PLCE1: variants seen among roughly 807,000 people sequenced by gnomAD.
The protein encoded by PLCE1 is 1-phosphatidylinositol 4,5-bisphosphate phosphodiesterase epsilon-1.
In PLCE1, 119 loss-of-function variants were observed where a neutral mutation model predicts 242.8. The observed-to-expected ratio is 0.49, with a 90% CI of 0.42 to 0.57. The LOEUF is 0.57. Ranked by LOEUF, PLCE1 falls within the 20% of genes least tolerant of loss-of-function variation. PLCE1 has a pLI of 0.00. For synonymous variants in PLCE1, 945 were observed against 1,017.4 expected (o/e 0.93, Z 1.35); for missense variants, 2,441 against 2,788.8 (o/e 0.88, Z 2.81).
chr10:94,179,530 T>TTTTTTTTTTTTTTTTTGA (rs10636243), intron 4 of PLCE1, among the ~76,000 whole-genome samples: 1,675 of 118,616 alleles, frequency 0.014, 48 homozygotes, highest in Middle Eastern at 0.036. Flanking sequence ...TTTTTTTTTT[T>TTTTTTTTTTTTTTTTTGA]GACAGGGTCT....
At chr10:94,264,282 C>G (rs2051422702) in intron 14 of PLCE1, among the ~76,000 whole-genome samples, 1 of 151,874 alleles carries the variant, frequency 6.6e-6, no homozygotes, top group African/African-American at 2.4e-5. Context: ...CCACAGGGAG[C>G]CACAAGGTCA....
chr10:94,326,459 A>C (rs2054018776), intron 32 of PLCE1, among the ~76,000 whole-genome samples: 1 of 152,232 alleles, frequency 6.6e-6, no homozygotes, highest in Non-Finnish European at 1.5e-5. Context: ...CATATCCAGA[A>C]GTTAGTATCA....
chr10:94,031,301 C>A lies in PLCE1; in HGVS notation c.255C>A (p.Asn85Lys). 6.2e-7 allele frequency: 1 copy of A among 1,613,772 alleles called. No individual in the cohort carries two copies. Among genetic ancestry groups the A allele is most frequent in the Non-Finnish European group, 8.5e-7 (1 of 1,179,856 alleles). Residue 85 changes from asparagine to lysine, a missense_variant, in exon 2 of 33, where the codon AAC (asparagine) becomes AAA (lysine). By Grantham distance (94) the Asn-to-Lys change is moderately conservative. This residue lies in a region of PLCE1 where 393 missense variants were observed against 378.5 expected (regional missense o/e 1.04). Transcript: ENST00000371380. Reference sequence around the variant, plus strand: ...GGGAGAAAATAGTGAGTGATGAGAACAGTAATGAAAAATGTTGGGAGAAAA... The same window carrying A: ...GGGAGAAAATAGTGAGTGATGAGAAAAGTAATGAAAAATGTTGGGAGAAAA... ...IAREKIVSDE[N>K]SNEKCWEKIM... is the part of the protein sequence containing the mutation.
At chr10:94,258,382 T>G in intron 11 of PLCE1, among the ~76,000 whole-genome samples, 1 of 152,226 alleles carries the variant, frequency 6.6e-6, no homozygotes, top group Non-Finnish European at 1.5e-5. Context: ...AAAGGTTTCT[T>G]CTTAAATGTA....
chr10:94,262,497 T>C lies in PLCE1; in HGVS notation c.3818T>C (p.Leu1273Pro), dbSNP rs766023332. ...NTSDLQPDLD[L>P]LTRNVSDLGL... ...TACTGTGGTGATTCTGTTTCAGATCTGTTGACCAGAAATGTCTCGGATTTG... is the reference window on the plus strand; with the variant it reads ...TACTGTGGTGATTCTGTTTCAGATCCGTTGACCAGAAATGTCTCGGATTTG... Residue 1273 changes from leucine to proline, a missense_variant, in exon 14 of 33, where the codon CTG (leucine) becomes CCG (proline). Physicochemically the swap from Leu to Pro is moderately conservative, Grantham distance 98. Around this residue, in one of 5 missense-constraint regions of PLCE1, gnomAD observed 1,004 missense variants for 1,322.7 expected, o/e 0.76. Transcript: ENST00000371380. 2 of 1,601,958 alleles carry C rather than the reference T, an allele frequency of 1.2e-6. No homozygotes were observed. The highest frequency in any genetic ancestry group is 1.7e-6 in the Non-Finnish European group (2 of 1,168,930).
chr10:94,146,926 G>A (rs562633784), intron 3 of PLCE1, among the ~76,000 whole-genome samples: 2 of 152,172 alleles, frequency 1.3e-5, no homozygotes, highest in African/African-American at 2.4e-5. Flanking sequence ...GGCTGGAAAG[G>A]TTCCAGGTAG....
In PLCE1 at chr10:94,030,903, G is replaced by C; in HGVS notation, c.-144G>C. 1.3e-6 allele frequency: 1 copy of C among 793,252 alleles called. No homozygotes were observed. Among genetic ancestry groups the C allele is most frequent in the Admixed American group, 2.0e-5 (1 of 50,624 alleles). The allele number at this position is 793,252 out of a possible 1,614,324, so 49.1% of individuals were successfully genotyped here. A position where few individuals can be genotyped will look rare whatever the true frequency, so the allele number is the denominator to read the frequency against. On this transcript the variant is annotated 5_prime_UTR_variant, in exon 2 of 33. Transcript: ENST00000371380. ...AATTTATTTGCCTCTTAATGCTCCT[G>C]AATGAAAGGAATTATCCCTTTGTTC...
At chr10:94,282,922 T>C (rs1167834799) in intron 20 of PLCE1, among the ~76,000 whole-genome samples, 3 of 152,204 alleles carry the variant, frequency 2.0e-5, no homozygotes, top group Admixed American at 2.0e-4. Flanking sequence ...GACGTTGTGA[T>C]ACTTCTGTGA....
intron 2 of PLCE1, among the ~76,000 whole-genome samples, chr10:94,129,900 CT>C (rs2046545802): frequency 6.6e-6 from 1 of 152,156 alleles, no homozygotes; most frequent in Non-Finnish European, 1.5e-5. Context: ...GTTCCCTGGC[CT>C]TTCTCATTCC....
rs150897619 is a variant in PLCE1 at position 94,089,035 on chromosome 10, G to A, written c.1207-43139G>A. ...AATGTAAACACTCATCACCCTGCAC[G>A]TTGCAGGATTTTTCACTGTGATTTG... On this transcript the variant is annotated intron_variant, in intron 2 of 32. Coordinates refer to ENST00000371380, the MANE Select transcript of PLCE1 (RefSeq NM_016341.4). 9.4e-5 allele frequency: 147 copies of A among 1,568,046 alleles called. No homozygotes were observed. In the East Asian group the frequency reaches 1.5e-3, roughly 16 times the overall value.
At chr10:94,226,831 CTTTTTTTTTTT>C (rs1177112312) in intron 4 of PLCE1, among the ~76,000 whole-genome samples, 4 of 101,818 alleles carry the variant, frequency 3.9e-5, no homozygotes, top group African/African-American at 1.5e-4. Context: ...ACCTATAGGT[CTTTTTTTTTTT>C]TTTTTTTTTT....
At chr10:93,997,165 ATCAAAAAAGC>A (rs2060841187) in intron 1 of PLCE1, among the ~76,000 whole-genome samples, 1 of 152,216 alleles carries the variant, frequency 6.6e-6, no homozygotes, top group South Asian at 2.1e-4. Context: ...TATTTCCAAA[ATCAAAAAAGC>A]TCTAAAAACT....
chr10:94,050,395 G>A (rs1393124402), intron 2 of PLCE1, among the ~76,000 whole-genome samples: 1 of 152,072 alleles, frequency 6.6e-6, no homozygotes, highest in Non-Finnish European at 1.5e-5. Flanking sequence ...ACAGCATGGG[G>A]GAAACTTCCC....
chr10:94,175,487 G>A (rs1488722241), intron 4 of PLCE1, among the ~76,000 whole-genome samples: 1 of 151,900 alleles, frequency 6.6e-6, no homozygotes, highest in African/African-American at 2.4e-5. Flanking sequence ...GGATATTTTG[G>A]TACAGGCATA....
At position 94,020,349 on chromosome 10, in the gene PLCE1, A is replaced by G. The variant is rs2061354910; in HGVS notation, c.-364-10334A>G. Among the ~76,000 whole-genome samples, 6 of 152,146 alleles carry G rather than the reference A, an allele frequency of 3.9e-5. No individual in the cohort carries two copies. In the South Asian group the frequency reaches 1.2e-3, roughly 32 times the overall value. On this transcript the variant is annotated intron_variant, in intron 1 of 32. Coordinates refer to ENST00000371380, the MANE Select transcript of PLCE1 (RefSeq NM_016341.4). ...TTTGCCCATTTTTAAAAATAGGGTAATTTGTCTTATGATTGAGCTATAGAG... is the reference window on the plus strand; with the variant it reads ...TTTGCCCATTTTTAAAAATAGGGTAGTTTGTCTTATGATTGAGCTATAGAG...
intron 1 of PLCE1, among the ~76,000 whole-genome samples, chr10:94,023,303 C>A (rs963817760): frequency 2.5e-4 from 38 of 152,248 alleles, no homozygotes; most frequent in Middle Eastern, 3.4e-3. Context: ...AGAGATGAAG[C>A]TGGAAAAAAT....
At chr10:94,141,326 C>T (rs796865023) in intron 3 of PLCE1, among the ~76,000 whole-genome samples, 8 of 152,324 alleles carry the variant, frequency 5.3e-5, no homozygotes, top group African/African-American at 1.9e-4. Context: ...TGAATACACC[C>T]ATTTTGAGCT....
In PLCE1 at chr10:94,259,098, C is replaced by T. The variant is rs2051203279; in HGVS notation, c.3762C>T (p.Leu1254=). The part of the protein sequence containing the change: ...CNRSGSESAP[L]YTNLTIDENT... ...GATCTGGCTCCGAGTCAGCCCCACT[C>T]TACACCAACCTGACAATTGATGAAA... The change falls in exon 13 of 33, where the codon CTC becomes CTT. Residue 1254 remains leucine, a synonymous_variant. Transcript: ENST00000371380. 6.2e-7 allele frequency: 1 copy of T among 1,614,072 alleles called. No homozygotes were observed. The highest frequency in any genetic ancestry group is 2.2e-5 in the East Asian group (1 of 44,878).
chr10:94,031,477 T>C lies in PLCE1; in HGVS notation c.431T>C (p.Leu144Pro). ...TTAGAAACTGGAATTCCTTCTCCAC[T>C]GGAAAGAAAGGTGTTCCCTGGAATT... ...LCLETGIPSP[L>P]ERKVFPGIQL... The change falls in exon 2 of 33, where the codon CTG (leucine) becomes CCG (proline). Residue 144 changes from leucine (L) to proline (P), a missense_variant. Physicochemically the swap from Leu to Pro is moderately conservative, Grantham distance 98. This residue lies in a region of PLCE1 where 393 missense variants were observed against 378.5 expected (regional missense o/e 1.04). Transcript: ENST00000371380. 6.2e-7 allele frequency: 1 copy of C among 1,613,290 alleles called. No individual in the cohort carries two copies. The highest frequency in any genetic ancestry group is 2.2e-5 in the East Asian group (1 of 44,870).
Sources: gnomAD v4.1 joint callset for allele counts (sites outside exome capture counted in the v4.1 genomes callset) on GRCh38, gnomAD v4.1.1 for gene constraint, gnomAD v4.1.1 regional missense constraint, MANE v1.5 for transcripts, NCBI Gene and HGNC (gene_info 2026-07-23, HGNC 2026-07-21) for gene names.